Variants in TBK1 observed in about 807,000 individuals in gnomAD.
The protein encoded by TBK1 is TANK binding kinase 1, also known as serine/threonine-protein kinase TBK1.
TBK1 carries 37 observed loss-of-function variants against 99.9 expected under a neutral mutation model. That is an observed-to-expected ratio of 0.37 (90% CI 0.28 to 0.49). The LOEUF (loss-of-function observed/expected upper bound fraction) is 0.49. Ranked by LOEUF, TBK1 falls within the 20% of genes least tolerant of loss-of-function variation. The pLI, the probability that TBK1 is intolerant of heterozygous loss-of-function variation, is 0.98. For synonymous variants in TBK1, 258 were observed against 279.8 expected, an observed-to-expected ratio of 0.92 and a Z score of 0.78; for missense variants, 644 against 872.5, an observed-to-expected ratio of 0.74 and a Z score of 3.30.
At chr12:64,469,130 G>C (rs1045841689) in intron 5 of TBK1, among the ~76,000 whole-genome samples, 8 of 152,016 alleles carry the variant, frequency 5.3e-5, no homozygotes, top group African/African-American at 1.9e-4. Context: ...TGTCATTGTG[G>C]ATCTGGAGAA....
intron 6 of TBK1, among the ~76,000 whole-genome samples, chr12:64,476,521 T>C (rs2040715803): frequency 6.6e-6 from 1 of 151,280 alleles, no homozygotes; most frequent in African/African-American, 2.5e-5. Context: ...GGAATGTTTG[T>C]TTTTTTCTTG....
At chr12:64,480,197 C>T (rs554866980) in intron 7 of TBK1, 75 bp downstream of exon 7, 65 of 944,936 alleles carry the variant, frequency 6.9e-5, no homozygotes, top group Non-Finnish European at 9.8e-5. Flanking sequence ...ACCACAGATA[C>T]TCAAATACTG....
intron 14 of TBK1, 36 bp downstream of exon 14, chr12:64,495,640 TTAA>T (rs1250518535): frequency 6.2e-7 from 1 of 1,612,966 alleles, no homozygotes; most frequent in South Asian, 1.1e-5. Context: ...TCTGCTCTTA[TTAA>T]TGTCCTTTTT....
In TBK1 at chr12:64,482,786, A is replaced by G. The variant is rs1025632656; in HGVS notation, c.992+765A>G. On this transcript the variant is annotated intron_variant, in intron 8 of 20. Coordinates refer to ENST00000331710, the MANE Select transcript of TBK1 (RefSeq NM_013254.4). ...GCTACCCTATATAGCCTAGGTGTGT[A>G]GAAGGCTATACCATGTAGTTTTCTG... Among the ~76,000 whole-genome samples the G allele has an allele frequency of 2.0e-5, 3 of 152,350 alleles. No homozygotes were observed. The East Asian group carries it at 5.8e-4, about 29-fold the overall frequency.
chr12:64,457,273 A>C (rs1347025717), intron 2 of TBK1, among the ~76,000 whole-genome samples: 2 of 152,194 alleles, frequency 1.3e-5, no homozygotes, highest in Non-Finnish European at 2.9e-5. Context: ...ATAGAGAATG[A>C]ATCAGAAGTA....
chr12:64,463,753 A>G (rs183619130), intron 3 of TBK1, among the ~76,000 whole-genome samples: 55 of 152,024 alleles, frequency 3.6e-4, no homozygotes, highest in African/African-American at 1.3e-3. Flanking sequence ...CCATTGTAAC[A>G]TTGTACCAAT....
At chr12:64,467,568 G>T (rs940539469) in intron 5 of TBK1, among the ~76,000 whole-genome samples, 1 of 152,060 alleles carries the variant, frequency 6.6e-6, no homozygotes, top group African/African-American at 2.4e-5. Flanking sequence ...GTTTATGTAG[G>T]TGTGTTTTTG....
intron 2 of TBK1, among the ~76,000 whole-genome samples, chr12:64,457,148 C>T (rs2040498550): frequency 2.0e-5 from 3 of 152,158 alleles, no homozygotes; most frequent in Non-Finnish European, 4.4e-5. Context: ...TCCTCTTTTC[C>T]TGTATTCTTG....
chr12:64,492,640 CTAAA>C (rs2040881075), intron 13 of TBK1, among the ~76,000 whole-genome samples: 1 of 152,122 alleles, frequency 6.6e-6, no homozygotes, highest in African/African-American at 2.4e-5. Flanking sequence ...GCATAGATGA[CTAAA>C]TAGCTTGAGG....
chr12:64,490,766 C>T (rs1378842352), intron 13 of TBK1, among the ~76,000 whole-genome samples: 2 of 151,590 alleles, frequency 1.3e-5, no homozygotes, highest in South Asian at 2.1e-4. Context: ...GGTGAAACCC[C>T]GTGTCATTAG....
In TBK1 at chr12:64,480,115, C is replaced by G; in HGVS notation, c.805C>G (p.Leu269Val). Residue 269 changes from leucine to valine, a missense_variant, in exon 7 of 21, where the codon CTT becomes GTT. By Grantham distance (32) the Leu-to-Val change is conservative. This residue lies in a region of TBK1 where 465 missense variants were observed against 588.0 expected (regional missense o/e 0.79). Transcript: ENST00000331710. ...WSGDMPVSCS[L>V]SRGLQVLLTP... ...TGGAGACATGCCTGTTTCTTGCAGT[C>G]TTTCTCGGTAAGTATGGTGTACCTA... 6.2e-7 allele frequency: 1 copy of G among 1,611,294 alleles called. No individual in the cohort carries two copies.
rs568469599 is a variant in TBK1 at position 64,465,433 on chromosome 12, C to A, written c.358+970C>A. ...GCAGTTCCACTGCTACGTATATACC[C>A]CAAAGAATTAACATATCCATATAAA... On this transcript the variant is annotated intron_variant, in intron 4 of 20. Coordinates refer to ENST00000331710, the MANE Select transcript of TBK1 (RefSeq NM_013254.4). 2.0e-5 allele frequency among the ~76,000 whole-genome samples: 3 copies of A among 151,454 alleles called. No individual in the cohort carries two copies. In the East Asian group the frequency reaches 5.8e-4, roughly 29 times the overall value.
At chr12:64,478,068 C>A (rs2040733257) in intron 6 of TBK1, among the ~76,000 whole-genome samples, 1 of 152,198 alleles carries the variant, frequency 6.6e-6, no homozygotes, top group Non-Finnish European at 1.5e-5. Context: ...GGATAACAAC[C>A]ACTGACAGCC....
intron 8 of TBK1, among the ~76,000 whole-genome samples, chr12:64,482,624 T>C (rs1254798941): frequency 6.6e-6 from 1 of 152,218 alleles, no homozygotes; most frequent in African/African-American, 2.4e-5. Context: ...GATTATAATA[T>C]CATATTTTTA....
Position 64,455,822 on chromosome 12 carries a change from A to T in TBK1, c.-31-18A>T, listed in dbSNP as rs1565810404. The stretch of plus-strand genomic sequence containing the variant: ...TTACTCCCTTAAAACATAGTTGCAA[A>T]TTTTTTTTTTCTCTTAGTATAACAA... On this transcript the variant is annotated intron_variant, in intron 1 of 20. Coordinates refer to ENST00000331710, the MANE Select transcript of TBK1 (RefSeq NM_013254.4). The T allele has an allele frequency of 2.1e-5, 28 of 1,361,272 alleles. No homozygotes were observed. The highest frequency in any genetic ancestry group is 2.3e-5 in the Admixed American group (1 of 44,424). 84.3% of individuals were successfully genotyped at this position (1,361,272 alleles called of 1,614,324 possible).
intron 6 of TBK1, among the ~76,000 whole-genome samples, chr12:64,475,700 CT>C (rs2136071068): frequency 6.6e-6 from 1 of 152,276 alleles, no homozygotes; most frequent in African/African-American, 2.4e-5. Context: ...TGATTTCATT[CT>C]TTTTTATGGC....
Position 64,472,793 on chromosome 12 carries a change from AT to A in TBK1, c.541-1436del, listed in dbSNP as rs1353918448. The stretch of plus-strand genomic sequence containing the variant: ...ATAGCTGATGAGCTATTTTAAAAAA[AT>A]CACAAAAAACCTCAATGTTTTAAGA... On this transcript the variant is annotated intron_variant, in intron 5 of 20. Coordinates refer to ENST00000331710, the MANE Select transcript of TBK1 (RefSeq NM_013254.4). Among the ~76,000 whole-genome samples the A allele has an allele frequency of 3.9e-5, 6 of 152,224 alleles. No individual in the cohort carries two copies. In the East Asian group the frequency reaches 1.2e-3, roughly 29 times the overall value.
intron 8 of TBK1, among the ~76,000 whole-genome samples, chr12:64,482,686 AT>A (rs1192702045): frequency 2.0e-5 from 3 of 152,162 alleles, no homozygotes; most frequent in Non-Finnish European, 4.4e-5. Context: ...ACTGTTTCTA[AT>A]TATGTTACAG....
chr12:64,495,848 T>A, intron 15 of TBK1, 73 bp downstream of exon 15: 1 of 1,237,630 alleles, frequency 8.1e-7, no homozygotes, highest in Non-Finnish European at 1.1e-6. Context: ...TTAAATTAAT[T>A]TGGTATATCT....
Sources: gnomAD v4.1 joint callset for allele counts (sites outside exome capture counted in the v4.1 genomes callset) on GRCh38, gnomAD v4.1.1 for gene constraint, gnomAD v4.1.1 regional missense constraint, MANE v1.5 for transcripts, NCBI Gene and HGNC (gene_info 2026-07-23, HGNC 2026-07-21) for gene names.